SLIT1: variants seen among roughly 807,000 people sequenced by gnomAD.
SLIT1 encodes slit guidance ligand 1.
SLIT1 carries 66 observed loss-of-function variants against 186.1 expected under a neutral mutation model. The ratio of observed to expected loss-of-function variants is 0.35; its 90% CI spans 0.29 to 0.44. The LOEUF is 0.44. SLIT1 is among the 20% of genes least tolerant of loss of function. SLIT1 has a pLI of 1.00. For synonymous variants in SLIT1, 761 were observed against 833.8 expected, an observed-to-expected ratio of 0.91 and a Z score of 1.50; for missense variants, 1,638 against 2,037.4, an observed-to-expected ratio of 0.80 and a Z score of 3.77.
At position 97,109,444 on chromosome 10, in the gene SLIT1, A is replaced by G. The variant is rs1849444878; in HGVS notation, c.414-43358T>C. ...GTAGGGCAGAAGGACTGCCTCCAAG[A>G]TGCTCAGGGAGGAGAGGTGATCAGA... On this transcript the variant is annotated intron_variant, in intron 4 of 36. Coordinates refer to ENST00000266058, the MANE Select transcript of SLIT1 (RefSeq NM_003061.3). 2.0e-5 allele frequency among the ~76,000 whole-genome samples: 3 copies of G among 152,156 alleles called. No homozygotes were observed. In the South Asian group the frequency reaches 6.2e-4, roughly 32 times the overall value.
rs983161516 is a variant in SLIT1, at chr10:97,176,165, T to C, written c.197+9313A>G. Among the ~76,000 whole-genome samples, 6 of 152,266 alleles carry C rather than the reference T, an allele frequency of 3.9e-5. No homozygotes were observed. In the East Asian group the frequency reaches 1.2e-3, roughly 29 times the overall value. On this transcript the variant is annotated intron_variant, in intron 1 of 36. Coordinates refer to ENST00000266058, the MANE Select transcript of SLIT1 (RefSeq NM_003061.3). ...CACTTACCAGCCTGCTGTTCAACCC[T>C]GGGCAGATGGCTCCATCTCTCTGAA... is the stretch of plus-strand genomic sequence containing the variant.
At chr10:97,064,067 GCTCCATGACCTGTCTGCAAAACCTTCAC>G in intron 7 of SLIT1, 73 bp downstream of exon 7, 1 of 963,148 alleles carries the variant, frequency 1.0e-6, no homozygotes, top group Non-Finnish European at 1.6e-6. Context: ...GGGAGAATGA[GCTCCATGACCTGTCTGCAAAACCTTCAC>G]CTCCTGCCCC....
At chr10:97,180,852 C>A (rs1477032129) in intron 1 of SLIT1, among the ~76,000 whole-genome samples, 1 of 152,224 alleles carries the variant, frequency 6.6e-6, no homozygotes, top group Admixed American at 6.5e-5. Context: ...AACCCTCGAG[C>A]CTCTAGCTTG....
intron 24 of SLIT1, among the ~76,000 whole-genome samples, 193 bp from the exon 25 acceptor site, chr10:97,031,021 G>GTCCCCAAGCCCT (rs1848585849): frequency 6.6e-6 from 1 of 152,136 alleles, no homozygotes. Flanking sequence ...AGACGGCCCT[G>GTCCCCAAGCCCT]TCCCCAAGCC....
At chr10:97,060,013 C>T (rs902673128) in intron 10 of SLIT1, 74 bp downstream of exon 10, 15 of 1,304,946 alleles carry the variant, frequency 1.1e-5, no homozygotes, top group Non-Finnish European at 1.4e-5. Context: ...AGGGCCTGCC[C>T]CAGGGCTGTG....
At chr10:97,065,126 A>T (rs1304254476) in intron 5 of SLIT1, among the ~76,000 whole-genome samples, 1 of 143,218 alleles carries the variant, frequency 7.0e-6, no homozygotes, top group African/African-American at 2.8e-5. Flanking sequence ...CCTGGGGAGC[A>T]GGCACCCCCC....
At chr10:97,049,216 G>T in intron 13 of SLIT1, 98 bp from the exon 14 acceptor site, 6 of 1,414,158 alleles carry the variant, frequency 4.2e-6, no homozygotes, top group Non-Finnish European at 5.7e-6. Flanking sequence ...GGCCAAGGAG[G>T]CTGCCTGTGG....
intron 4 of SLIT1, among the ~76,000 whole-genome samples, chr10:97,084,381 G>A (rs1564671042): frequency 6.6e-6 from 1 of 152,176 alleles, no homozygotes; most frequent in African/African-American, 2.4e-5. Flanking sequence ...AAAGGCCACA[G>A]AGCTGTTGCA....
chr10:97,183,123 T>G (rs11189025), intron 1 of SLIT1, among the ~76,000 whole-genome samples: 24,422 of 151,956 alleles, frequency 0.16, 2,440 homozygotes, highest in East Asian at 0.26. Context: ...AAGTGGCCCA[T>G]CCTCTGAGAA....
chr10:97,007,555 T>C (rs1376448473), intron 31 of SLIT1, among the ~76,000 whole-genome samples: 1 of 152,088 alleles, frequency 6.6e-6, no homozygotes, highest in Non-Finnish European at 1.5e-5. Flanking sequence ...AACAAATTAC[T>C]AGCTAATCAA....
At chr10:97,111,444 G>A (rs1272430456) in intron 4 of SLIT1, among the ~76,000 whole-genome samples, 1 of 152,044 alleles carries the variant, frequency 6.6e-6, no homozygotes, top group East Asian at 1.9e-4. Flanking sequence ...TTATAACCGT[G>A]GAAACTAAAG....
chr10:97,059,597 C>G (rs746985709), intron 10 of SLIT1, 66 bp from the exon 11 acceptor site: 2 of 1,183,260 alleles, frequency 1.7e-6, no homozygotes, highest in Non-Finnish European at 2.5e-6. Flanking sequence ...CCTGCCCAGT[C>G]CCCTCCACCT....
chr10:97,034,764 C>A (rs911983764), intron 22 of SLIT1, among the ~76,000 whole-genome samples: 53 of 152,154 alleles, frequency 3.5e-4, no homozygotes, highest in Non-Finnish European at 3.2e-4. Context: ...TTGGTGCCTC[C>A]ATTTCCTGAC....
At chr10:97,086,533 G>A (rs745860103) in intron 4 of SLIT1, among the ~76,000 whole-genome samples, 23 of 152,232 alleles carry the variant, frequency 1.5e-4, no homozygotes, top group Non-Finnish European at 2.1e-4. Context: ...AGCCGAGATC[G>A]TGCCACTGCA....
chr10:97,083,844 C>T (rs1849129518), intron 4 of SLIT1, among the ~76,000 whole-genome samples: 1 of 152,206 alleles, frequency 6.6e-6, no homozygotes, highest in Admixed American at 6.5e-5. Flanking sequence ...CATGCAGCTG[C>T]ATTTGACACT....
intron 34 of SLIT1, 85 bp from the exon 35 acceptor site, chr10:97,003,077 G>A: frequency 7.5e-7 from 1 of 1,338,700 alleles, no homozygotes; most frequent in South Asian, 1.4e-5. Context: ...GCAGCTCCAT[G>A]GCCTTCCCTC....
rs1473457788 is a variant in SLIT1 at position 97,043,309 on chromosome 10, C to T, written c.1997+61G>A. On this transcript the variant is annotated intron_variant, in intron 19 of 36. Coordinates refer to ENST00000266058, the MANE Select transcript of SLIT1 (RefSeq NM_003061.3). This position sits in a 1 kb window ranked among gnomAD's most constrained non-coding sequence, Gnocchi z 7.0. ...GGTGAGCTCTTTCAAAGTGGCTGGC[C>T]GAGACGGTTGGGACGGTTGCTCCAG... 9.8e-5 allele frequency: 157 copies of T among 1,602,926 alleles called. No individual in the cohort carries two copies. Among genetic ancestry groups the T allele is most frequent in the Non-Finnish European group, 1.2e-4 (141 of 1,172,938 alleles).
chr10:97,126,244 G>A (rs1849602644), intron 4 of SLIT1, among the ~76,000 whole-genome samples: 1 of 152,234 alleles, frequency 6.6e-6, no homozygotes. Flanking sequence ...GCTGATATGA[G>A]AGAGGGCTAT....
chr10:97,080,020 A>G (rs898305718), intron 4 of SLIT1, among the ~76,000 whole-genome samples: 3 of 152,226 alleles, frequency 2.0e-5, no homozygotes, highest in African/African-American at 7.2e-5. Flanking sequence ...GTTGTAAAAT[A>G]GAGAAAACAG....
Sources: gnomAD v4.1 joint callset for allele counts (sites outside exome capture counted in the v4.1 genomes callset) on GRCh38, gnomAD v4.1.1 for gene constraint, Gnocchi (gnomAD v3.1) non-coding constraint, MANE v1.5 for transcripts, NCBI Gene and HGNC (gene_info 2026-07-23, HGNC 2026-07-21) for gene names.